Variants in LINGO2 observed in about 807,000 individuals in gnomAD.
LINGO2 encodes leucine-rich repeat and immunoglobulin-like domain-containing nogo receptor-interacting protein 2.
Under a neutral mutation model 30.6 loss-of-function variants are expected in LINGO2, and 14 were observed. That is an observed-to-expected ratio of 0.46 (90% CI 0.30 to 0.72). The LOEUF (loss-of-function observed/expected upper bound fraction) is 0.72. Among genes scored for constraint, LINGO2 ranks in the 30% least tolerant of loss-of-function variants. The pLI is 0.07. For synonymous variants in LINGO2, 317 were observed against 288.5 expected (o/e 1.10, Z -1.00); for missense variants, 729 against 751.7 (o/e 0.97, Z 0.35).
rs542992193 is a variant in LINGO2, at chr9:28,665,135, G to A, written c.-365+5065C>T. Among the ~76,000 whole-genome samples, 121 of 150,976 alleles carry A rather than the reference G, an allele frequency of 8.0e-4. No individual in the cohort carries two copies. In the South Asian group the frequency reaches 0.023, roughly 28 times the overall value. ...TAGGCCAAAAAAGGTGGTGGAAAAA[G>A]AGATGCTTCTTGAGAACTTAATATT... On this transcript the variant is annotated intron_variant, in intron 1 of 5. Coordinates refer to ENST00000379992, the Ensembl canonical transcript of LINGO2.
intron 4 of LINGO2, among the ~76,000 whole-genome samples, chr9:28,090,688 C>T (rs926674476): frequency 1.8e-4 from 27 of 152,132 alleles, no homozygotes; most frequent in Non-Finnish European, 2.8e-4. Context: ...CACTCCTATT[C>T]AACATAGCGT....
At chr9:27,958,083 G>GGGTA (rs1819665638) in intron 5 of LINGO2, among the ~76,000 whole-genome samples, 1 of 152,042 alleles carries the variant, frequency 6.6e-6, no homozygotes, top group Non-Finnish European at 1.5e-5. Context: ...TGTTAGCTGT[G>GGGTA]GGTTTTTCAT....
intron 4 of LINGO2, among the ~76,000 whole-genome samples, chr9:28,061,643 C>T (rs1201644930): frequency 1.3e-5 from 2 of 151,982 alleles, no homozygotes; most frequent in East Asian, 3.9e-4. Context: ...AAGTGATCAC[C>T]CACTTCTACA....
chr9:27,971,300 C>T (rs1209518065), intron 5 of LINGO2, among the ~76,000 whole-genome samples: 1 of 151,840 alleles, frequency 6.6e-6, no homozygotes, highest in Non-Finnish European at 1.5e-5. Flanking sequence ...CCCATCTTTC[C>T]CTCTCACCCA....
chr9:28,986,767 C>T, the LINGO2 span, among the ~76,000 whole-genome samples: 2 of 151,884 alleles, frequency 1.3e-5, no homozygotes, highest in African/African-American at 4.8e-5. Flanking sequence ...ACATTTAAAC[C>T]TAGCACAAAA....
intron 4 of LINGO2, among the ~76,000 whole-genome samples, chr9:28,277,010 T>A (rs1823138494): frequency 6.6e-6 from 1 of 152,214 alleles, no homozygotes; most frequent in African/African-American, 2.4e-5. Flanking sequence ...TTGGGTCATG[T>A]TTATCTACCA....
intron 1 of LINGO2, among the ~76,000 whole-genome samples, chr9:28,618,637 C>G (rs1826246306): frequency 6.6e-6 from 1 of 152,148 alleles, no homozygotes; most frequent in South Asian, 2.1e-4. Context: ...CTTTCTATAA[C>G]ATTCTCCTTC....
the LINGO2 span, among the ~76,000 whole-genome samples, chr9:28,953,263 A>C: frequency 6.6e-6 from 1 of 152,148 alleles, no homozygotes; most frequent in African/African-American, 2.4e-5. Context: ...AACTTGAATT[A>C]AGGTAAATGG....
intron 5 of LINGO2, among the ~76,000 whole-genome samples, chr9:27,990,775 A>G (rs955759605): frequency 6.6e-6 from 1 of 152,062 alleles, no homozygotes; most frequent in South Asian, 2.1e-4. Context: ...CTGATATACT[A>G]CATCATCTCT....
the LINGO2 span, among the ~76,000 whole-genome samples, chr9:29,191,586 C>T: frequency 6.6e-6 from 1 of 152,150 alleles, no homozygotes; most frequent in Admixed American, 6.5e-5. Context: ...TCTGTCAGCT[C>T]ATCTGCAGGG....
chr9:29,142,169 A>T, the LINGO2 span, among the ~76,000 whole-genome samples: 2 of 151,898 alleles, frequency 1.3e-5, no homozygotes, highest in African/African-American at 4.8e-5. Flanking sequence ...AAAGCAAATC[A>T]TAAAAAGTTC....
At chr9:28,046,773 C>G (rs1217138252) in intron 4 of LINGO2, among the ~76,000 whole-genome samples, 1 of 152,060 alleles carries the variant, frequency 6.6e-6, no homozygotes, top group Non-Finnish European at 1.5e-5. Flanking sequence ...TGATGCAACT[C>G]TGTTATATAA....
chr9:29,179,289 C>A, the LINGO2 span, among the ~76,000 whole-genome samples: 3 of 149,350 alleles, frequency 2.0e-5, no homozygotes, highest in Non-Finnish European at 4.4e-5. Context: ...AGTATTGCTG[C>A]CTATAGTCCC....
At chr9:28,216,564 C>T (rs535744975) in intron 4 of LINGO2, among the ~76,000 whole-genome samples, 1 of 152,008 alleles carries the variant, frequency 6.6e-6, no homozygotes, top group African/African-American at 2.4e-5. Context: ...TACAGATAAA[C>T]TCCCACTGAC....
At chr9:28,940,418 A>T in the LINGO2 span, among the ~76,000 whole-genome samples, 4 of 152,124 alleles carry the variant, frequency 2.6e-5, no homozygotes, top group Non-Finnish European at 5.9e-5. Context: ...TGGAAGGAGC[A>T]CTGTTCTTTG....
the LINGO2 span, among the ~76,000 whole-genome samples, chr9:28,865,170 T>C: frequency 6.6e-6 from 1 of 152,166 alleles, no homozygotes; most frequent in Non-Finnish European, 1.5e-5. Flanking sequence ...TTATTTTATT[T>C]TTTGGTATAC....
chr9:28,865,774 G>C, the LINGO2 span, among the ~76,000 whole-genome samples: 5 of 152,000 alleles, frequency 3.3e-5, no homozygotes, highest in African/African-American at 1.2e-4. Context: ...ACAGGGAGAG[G>C]CTCTGTCTCA....
intron 1 of LINGO2, among the ~76,000 whole-genome samples, chr9:28,519,361 T>C (rs1187810104): frequency 1.3e-5 from 2 of 152,144 alleles, no homozygotes; most frequent in Non-Finnish European, 2.9e-5. Flanking sequence ...TTTTCTCTTT[T>C]ATTGTCTTCA....
chr9:28,601,602 T>C (rs1825479676), intron 1 of LINGO2, among the ~76,000 whole-genome samples: 1 of 152,040 alleles, frequency 6.6e-6, no homozygotes. Context: ...TTTGCTTTCT[T>C]CTCTTTTTAT....
Sources: allele counts gnomAD v4.1 joint callset (sites outside exome capture counted in the v4.1 genomes callset), GRCh38; gene constraint gnomAD v4.1.1; transcripts MANE v1.5; gene names NCBI Gene and HGNC (gene_info 2026-07-23, HGNC 2026-07-21).